Variants in PLCXD3 observed in about 807,000 individuals in gnomAD.
The protein encoded by PLCXD3 is PI-PLC X domain-containing protein 3.
A neutral mutation model predicts 25.5 loss-of-function variants in PLCXD3; 19 were observed. That is an observed-to-expected ratio of 0.75 (90% CI 0.52 to 1.09). The LOEUF (loss-of-function observed/expected upper bound fraction) is 1.09. Ranked by LOEUF, PLCXD3 falls within the 50% of genes least tolerant of loss-of-function variation. PLCXD3 has a pLI of 0.00. For missense variants in PLCXD3, 411 were observed against 388.1 expected, an observed-to-expected ratio of 1.06 and a Z score of -0.50; for synonymous variants, 174 against 137.6, an observed-to-expected ratio of 1.26 and a Z score of -1.85.
At chr5:41,376,344 G>A (rs965901325) in intron 2 of PLCXD3, among the ~76,000 whole-genome samples, 2 of 152,042 alleles carry the variant, frequency 1.3e-5, no homozygotes, top group Non-Finnish European at 2.9e-5. Flanking sequence ...CTTTAAACTG[G>A]TGGCTTCTTC....
intron 2 of PLCXD3, among the ~76,000 whole-genome samples, chr5:41,327,252 G>A (rs1056721826): frequency 3.9e-5 from 6 of 152,178 alleles, no homozygotes; most frequent in African/African-American, 1.4e-4. Context: ...CCCTGGAGGT[G>A]TGGGGGAATT....
intron 1 of PLCXD3, among the ~76,000 whole-genome samples, chr5:41,485,783 C>G (rs1411328489): frequency 6.6e-6 from 1 of 152,190 alleles, no homozygotes; most frequent in Non-Finnish European, 1.5e-5. Context: ...GACTTACAGT[C>G]AGTTATCACC....
At chr5:41,438,026 T>A (rs78298348) in intron 1 of PLCXD3, among the ~76,000 whole-genome samples, 6,585 of 152,264 alleles carry the variant, frequency 0.043, 196 homozygotes, top group Non-Finnish European at 0.064. Flanking sequence ...ATGCCTGCAA[T>A]TTCTTCCTCA....
At chr5:41,327,111 A>G (rs2150472282) in intron 2 of PLCXD3, among the ~76,000 whole-genome samples, 1 of 152,312 alleles carries the variant, frequency 6.6e-6, no homozygotes, top group South Asian at 2.1e-4. Flanking sequence ...GGCCCTCTTA[A>G]GATAAAGAGA....
At chr5:41,397,488 A>C (rs763326053) in intron 1 of PLCXD3, among the ~76,000 whole-genome samples, 4 of 152,216 alleles carry the variant, frequency 2.6e-5, no homozygotes, top group Non-Finnish European at 4.4e-5. Context: ...TACAGGCAGA[A>C]GTCTTCTGCA....
chr5:41,499,553 CA>C (rs1017894131), intron 1 of PLCXD3, among the ~76,000 whole-genome samples: 7 of 151,802 alleles, frequency 4.6e-5, no homozygotes, highest in South Asian at 2.1e-4. Flanking sequence ...TAATATTGCT[CA>C]AATGTTACCA....
At chr5:41,402,178 A>T (rs1005750470) in intron 1 of PLCXD3, among the ~76,000 whole-genome samples, 4 of 151,630 alleles carry the variant, frequency 2.6e-5, no homozygotes, top group African/African-American at 7.3e-5. Flanking sequence ...TGAAATTTAG[A>T]TCACTAATTT....
At chr5:41,338,281 A>C (rs1744040037) in intron 2 of PLCXD3, among the ~76,000 whole-genome samples, 1 of 151,992 alleles carries the variant, frequency 6.6e-6, no homozygotes, top group South Asian at 2.1e-4. Context: ...GGAATGTTGA[A>C]GCCTCTTTGA....
intron 2 of PLCXD3, among the ~76,000 whole-genome samples, chr5:41,368,339 C>T (rs1744996275): frequency 6.6e-6 from 1 of 151,956 alleles, no homozygotes. Context: ...AGCTACTTGC[C>T]TGTTGTTGGT....
rs1039459935 is a variant in PLCXD3, at chr5:41,510,589, C to T, written c.-63G>A. On this transcript the variant is annotated 5_prime_UTR_variant, in exon 1 of 3. Coordinates refer to ENST00000377801, the MANE Select transcript of PLCXD3 (RefSeq NM_001005473.3). ...CCTCGGGCAGGCTGGCAGGCTGCTGCCGCTAATCCAATGTTTGCTCTAGCC... is the reference window on the plus strand; with the variant it reads ...CCTCGGGCAGGCTGGCAGGCTGCTGTCGCTAATCCAATGTTTGCTCTAGCC... 10 of 1,307,064 alleles carry T rather than the reference C, an allele frequency of 7.7e-6. No individual in the cohort carries two copies. In the South Asian group the frequency reaches 1.1e-4, roughly 15 times the overall value. 81.0% of individuals were successfully genotyped at this position (1,307,064 alleles called of 1,614,324 possible). A position where few individuals can be genotyped will look rare whatever the true frequency, so the allele number is the denominator to read the frequency against.
At chr5:41,423,784 TC>T (rs1393059130) in intron 1 of PLCXD3, among the ~76,000 whole-genome samples, 2 of 152,048 alleles carry the variant, frequency 1.3e-5, no homozygotes, top group Admixed American at 6.6e-5. Flanking sequence ...TCATTTTTTT[TC>T]TCCTTTATTG....
intron 1 of PLCXD3, chr5:41,475,553 T>C (rs1161464860): frequency 1.9e-6 from 1 of 519,044 alleles, no homozygotes; most frequent in African/African-American, 2.0e-5. Context: ...CTTATTTCTA[T>C]TTATCCCTAC....
At position 41,311,920 on chromosome 5, in the gene PLCXD3, T is replaced by C. The variant is rs1247345689; in HGVS notation, c.*1697A>G. The C allele has an allele frequency of 1.3e-5, 2 of 152,578 alleles. No homozygotes were observed. The highest frequency in any genetic ancestry group is 1.3e-4 in the Admixed American group (2 of 15,268). 9.5% of individuals were successfully genotyped at this position (152,578 alleles called of 1,614,324 possible). ...CTGAGGGCATGCTTTTATTTCTCTATGACCCTACTTTGCATGGACTGTATT... is the reference window on the plus strand; with the variant it reads ...CTGAGGGCATGCTTTTATTTCTCTACGACCCTACTTTGCATGGACTGTATT... On this transcript the variant is annotated 3_prime_UTR_variant, in exon 3 of 3. Transcript: ENST00000377801.
chr5:41,492,868 G>A (rs1213685216), intron 1 of PLCXD3, among the ~76,000 whole-genome samples: 1 of 152,134 alleles, frequency 6.6e-6, no homozygotes, highest in East Asian at 1.9e-4. Flanking sequence ...CTTTGCCTTT[G>A]GTTTGAATTT....
At chr5:41,490,664 A>G (rs1165862731) in intron 1 of PLCXD3, among the ~76,000 whole-genome samples, 1 of 152,048 alleles carries the variant, frequency 6.6e-6, no homozygotes, top group African/African-American at 2.4e-5. Flanking sequence ...TAGTCTTGGG[A>G]GGGTGTATGT....
intron 1 of PLCXD3, among the ~76,000 whole-genome samples, chr5:41,443,275 G>T (rs560663720): frequency 4.9e-4 from 75 of 151,896 alleles, no homozygotes; most frequent in African/African-American, 1.7e-3. Flanking sequence ...TGTTACAACT[G>T]CCTACAGCAT....
chr5:41,495,751 T>C (rs1449247301), intron 1 of PLCXD3, among the ~76,000 whole-genome samples: 2 of 152,190 alleles, frequency 1.3e-5, no homozygotes, highest in African/African-American at 4.8e-5. Flanking sequence ...GTTGGGCTGA[T>C]TGATGAATGC....
chr5:41,391,750 G>A (rs778607203), intron 1 of PLCXD3, among the ~76,000 whole-genome samples: 2 of 152,132 alleles, frequency 1.3e-5, no homozygotes, highest in Non-Finnish European at 2.9e-5. Context: ...TGGGTTCTTG[G>A]GGTCCTCGAT....
chr5:41,422,054 T>G (rs1014255617), intron 1 of PLCXD3, among the ~76,000 whole-genome samples: 3 of 152,212 alleles, frequency 2.0e-5, no homozygotes, highest in African/African-American at 4.8e-5. Flanking sequence ...TACTTACATA[T>G]GTATTAATTT....
Sources: allele counts gnomAD v4.1 joint callset (sites outside exome capture counted in the v4.1 genomes callset), GRCh38; gene constraint gnomAD v4.1.1; transcripts MANE v1.5; gene names NCBI Gene and HGNC (gene_info 2026-07-23, HGNC 2026-07-21).